The following ETNK1 variants were observed in gnomAD, a reference collection of about 807,000 sequenced individuals.
ETNK1 encodes the protein putative protein product of Nbla10396.
ETNK1 carries 8 observed loss-of-function variants against 45.1 expected under a neutral mutation model. The ratio of observed to expected loss-of-function variants is 0.18; its 90% CI spans 0.10 to 0.32. ETNK1 has a LOEUF of 0.32. ETNK1 is among the 10% of genes least tolerant of loss of function. The probability of loss-of-function intolerance (pLI) is 1.00; values close to 1 mark genes in which losing one functional copy is unlikely to be tolerated. For synonymous variants in ETNK1, 152 were observed against 151.9 expected (o/e 1.00, Z -0.01); for missense variants, 302 against 430.6 (o/e 0.70, Z 2.64).
In ETNK1 at chr12:22,643,864, A is replaced by G; in HGVS notation, c.258A>G (p.Leu86=). The G allele has an allele frequency of 3.7e-6, 6 of 1,613,520 alleles. No individual in the cohort carries two copies. Among genetic ancestry groups the G allele is most frequent in the Non-Finnish European group, 5.1e-6 (6 of 1,179,534 alleles). The change falls in exon 2 of 8, where the codon TTA becomes TTG. Residue 86 remains leucine (L), a synonymous_variant. Transcript: ENST00000266517. ...LVRIYGNKTE[L]LVDRDEEVKS... Reference sequence around the variant, plus strand: ...GAATTTATGGCAATAAGACTGAGTTATTAGTCGATCGAGATGAGGAAGTAA... The same window carrying G: ...GAATTTATGGCAATAAGACTGAGTTGTTAGTCGATCGAGATGAGGAAGTAA...
chr12:22,672,859 C>T (rs774703268), intron 5 of ETNK1, among the ~76,000 whole-genome samples: 8 of 152,098 alleles, frequency 5.3e-5, no homozygotes, highest in South Asian at 2.1e-4. Flanking sequence ...TAGTATTTTC[C>T]AAACTATAGA....
chr12:22,683,532 C>T (rs1954233037), intron 6 of ETNK1, among the ~76,000 whole-genome samples: 1 of 151,848 alleles, frequency 6.6e-6, no homozygotes, highest in Non-Finnish European at 1.5e-5. Flanking sequence ...GGCTAATATT[C>T]CCATCTCGTA....
chr12:22,642,616 CAT>C (rs1182936433), intron 1 of ETNK1, among the ~76,000 whole-genome samples: 1 of 151,842 alleles, frequency 6.6e-6, no homozygotes, highest in Non-Finnish European at 1.5e-5. Context: ...CATCTTTTTT[CAT>C]ATGTCATTTA....
At chr12:22,642,025 GAA>G (rs1358730955) in intron 1 of ETNK1, among the ~76,000 whole-genome samples, 2 of 152,252 alleles carry the variant, frequency 1.3e-5, no homozygotes, top group Non-Finnish European at 2.9e-5. Context: ...GATAATAAGA[GAA>G]TGCAATTTTT....
At chr12:22,678,761 A>G (rs755786917) in intron 6 of ETNK1, among the ~76,000 whole-genome samples, 14 of 152,250 alleles carry the variant, frequency 9.2e-5, no homozygotes, top group Non-Finnish European at 2.1e-4. Flanking sequence ...AAGTTCCTGG[A>G]CACAAGAAGT....
At chr12:22,626,082 A>G (rs972055154) in intron 1 of ETNK1, 3 of 348,602 alleles carry the variant, frequency 8.6e-6, no homozygotes, top group Non-Finnish European at 5.7e-6. Context: ...CTCAATTCCC[A>G]AAGTAATGAC....
chr12:22,674,832 T>A (rs981005240), intron 6 of ETNK1, among the ~76,000 whole-genome samples: 6 of 152,226 alleles, frequency 3.9e-5, no homozygotes, highest in African/African-American at 1.4e-4. Context: ...TGTGACTGTA[T>A]CTGTACATGG....
intron 1 of ETNK1, among the ~76,000 whole-genome samples, chr12:22,627,690 T>C (rs1435879368): frequency 6.6e-6 from 1 of 152,118 alleles, no homozygotes; most frequent in Non-Finnish European, 1.5e-5. Context: ...AAGTATGTAT[T>C]ATATAGTCGA....
intron 6 of ETNK1, among the ~76,000 whole-genome samples, chr12:22,679,615 C>T (rs947793802): frequency 1.3e-5 from 2 of 152,092 alleles, no homozygotes; most frequent in African/African-American, 2.4e-5. Flanking sequence ...GATAAGACTT[C>T]GCATTCTCCT....
intron 6 of ETNK1, among the ~76,000 whole-genome samples, chr12:22,679,704 T>A (rs1441540247): frequency 5.5e-5 from 4 of 72,092 alleles, no homozygotes; most frequent in Non-Finnish European, 1.3e-4. Flanking sequence ...GGTTTTTTGT[T>A]TTTTTTTTTT....
rs774183018 is a variant in ETNK1 at position 22,625,563 on chromosome 12, G to A, written c.133G>A (p.Asp45Asn). 6.3e-7 allele frequency: 1 copy of A among 1,599,174 alleles called. No individual in the cohort carries two copies. The highest frequency in any genetic ancestry group is 1.1e-5 in the South Asian group (1 of 89,304). The stretch of plus-strand genomic sequence containing the variant: ...CCTGCAACACCTGCGGCCTCACTGG[G>A]ACCCCCAGGAGGTGACCCTGCAGGT... ...SLLQHLRPHWDPQEVTLQLFT... is the reference protein window; with the variant it reads ...SLLQHLRPHWNPQEVTLQLFT... The change falls in exon 1 of 8, where the codon GAC becomes AAC. Residue 45 changes from aspartate (D) to asparagine (N), a missense_variant. Transcript: ENST00000266517.
At chr12:22,651,434 G>A (rs1208085427) in intron 2 of ETNK1, among the ~76,000 whole-genome samples, 1 of 152,068 alleles carries the variant, frequency 6.6e-6, no homozygotes, top group African/African-American at 2.4e-5. Flanking sequence ...ATCTATGTCT[G>A]CAGCTTGAAT....
rs778996567 is a variant in ETNK1 at position 22,655,483 on chromosome 12, CG to C, written c.417-3530del. ...TCCTGAGCAGCTGGGATTACAGGCA[CG>C]TATCACCACACCAGGCTACTTTTTG... On this transcript the variant is annotated intron_variant, in intron 2 of 7. Transcript: ENST00000266517. 1.2e-3 allele frequency among the ~76,000 whole-genome samples: 183 copies of C among 151,996 alleles called. 1 individual carries two copies. The highest frequency in any genetic ancestry group is 5.9e-4 in the Non-Finnish European group (40 of 67,974).
rs147902938 is a variant in ETNK1 at position 22,631,343 on chromosome 12, T to C, written c.156+5757T>C. On this transcript the variant is annotated intron_variant, in intron 1 of 7. Transcript: ENST00000266517. ...GCGCCTGCCACCACGCCTGGCTAAT[T>C]TTTGTGTTTTTAGTAGAGACGGGGT... Among the ~76,000 whole-genome samples, 391 of 151,928 alleles carry C rather than the reference T, an allele frequency of 2.6e-3. 2 individuals are homozygous for C. The highest frequency in any genetic ancestry group is 8.6e-3 in the African/African-American group (357 of 41,404).
Position 22,669,686 on chromosome 12 carries a change from T to C in ETNK1, c.701-1586T>C, listed in dbSNP as rs1487428. Reference sequence around the variant, plus strand: ...TCTGCAGTTTAGTAAAATGATTTGGTTAACTCTTAAAACTTTTTGTGGAAT... The same window carrying C: ...TCTGCAGTTTAGTAAAATGATTTGGCTAACTCTTAAAACTTTTTGTGGAAT... On this transcript the variant is annotated intron_variant, in intron 4 of 7. Coordinates refer to ENST00000266517, the MANE Select transcript of ETNK1 (RefSeq NM_018638.5). 8.7e-3 allele frequency among the ~76,000 whole-genome samples: 1,324 copies of C among 152,250 alleles called. 23 individuals are homozygous for C. The highest frequency in any genetic ancestry group is 0.031 in the African/African-American group (1,273 of 41,548).
intron 2 of ETNK1, among the ~76,000 whole-genome samples, chr12:22,653,386 T>G (rs1231207716): frequency 1.3e-5 from 2 of 152,174 alleles, no homozygotes; most frequent in Non-Finnish European, 2.9e-5. Flanking sequence ...TTTCTTTTTC[T>G]GCAAAAATTG....
In ETNK1 at chr12:22,643,948, T is replaced by C. The variant is rs1289921662; in HGVS notation, c.342T>C (p.Asn114=). Residue 114 remains asparagine, a synonymous_variant, in exon 2 of 8, where the codon AAT becomes AAC. Transcript: ENST00000266517. ...GCAPQLYCTF[N]NGLCYEFIQG... is the part of the protein sequence containing the mutation. The stretch of plus-strand genomic sequence containing the variant: ...CACCACAACTCTACTGTACCTTCAA[T>C]AATGGACTATGCTATGAATTTATAC... The C allele has an allele frequency of 1.2e-6, 2 of 1,613,344 alleles. No individual in the cohort carries two copies. The highest frequency in any genetic ancestry group is 1.7e-6 in the Non-Finnish European group (2 of 1,179,524).
chr12:22,684,997 G>C lies in ETNK1; in HGVS notation c.*43G>C, dbSNP rs369665317. The C allele has an allele frequency of 7.5e-5, 105 of 1,394,438 alleles. No homozygotes were observed. The highest frequency in any genetic ancestry group is 9.7e-5 in the Non-Finnish European group (98 of 1,013,958). The allele number at this position is 1,394,438 out of a possible 1,614,324, so 86.4% of individuals were successfully genotyped here. On this transcript the variant is annotated 3_prime_UTR_variant, in exon 8 of 8. Coordinates refer to ENST00000266517, the MANE Select transcript of ETNK1 (RefSeq NM_018638.5). Reference sequence around the variant, plus strand: ...TCTCCAGTAGCTGAGCAATGCTTGTGAATCTTTTCTTAAGAAATCCCAAAA... The same window carrying C: ...TCTCCAGTAGCTGAGCAATGCTTGTCAATCTTTTCTTAAGAAATCCCAAAA...
intron 4 of ETNK1, among the ~76,000 whole-genome samples, chr12:22,669,603 T>G (rs1954087399): frequency 6.6e-6 from 1 of 152,194 alleles, no homozygotes; most frequent in African/African-American, 2.4e-5. Context: ...TTGTCTTCAC[T>G]CTCCTACTCC....
Sources: gnomAD v4.1 joint callset for allele counts (sites outside exome capture counted in the v4.1 genomes callset) on GRCh38, gnomAD v4.1.1 for gene constraint, MANE v1.5 for transcripts, NCBI Gene and HGNC (gene_info 2026-07-23, HGNC 2026-07-21) for gene names.